Variants in APBA3 observed in about 807,000 individuals in gnomAD.
APBA3 encodes the protein amyloid beta precursor protein binding family A member 3.
In APBA3, 45 loss-of-function variants were observed where a neutral mutation model predicts 55.9. The observed-to-expected ratio is 0.80, with a 90% CI of 0.63 to 1.03. The LOEUF (loss-of-function observed/expected upper bound fraction) is 1.03. Ranked by LOEUF, APBA3 falls within the 50% of genes least tolerant of loss-of-function variation. The pLI, the probability that APBA3 is intolerant of heterozygous loss-of-function variation, is 0.00. For missense variants in APBA3, 865 were observed against 820.3 expected, an observed-to-expected ratio of 1.05 and a Z score of -0.67; for synonymous variants, 370 against 353.3, an observed-to-expected ratio of 1.05 and a Z score of -0.53.
chr19:3,754,401 G>C, intron 3 of APBA3, 61 bp from the exon 4 acceptor site: 1 of 1,512,972 alleles, frequency 6.6e-7, no homozygotes, highest in Non-Finnish European at 8.8e-7. Flanking sequence ...CTCTGCCCCA[G>C]GGCTACGCTC....
At position 3,753,758 on chromosome 19, in the gene APBA3, T is replaced by A; in HGVS notation, c.1011+7A>T. ...CAGGAGGGTGGCCCCGCGCCCTGGC[T>A]GCTCACGTCCTCCGCGTAGAATACG... On this transcript the variant is annotated splice_region_variant and intron_variant, in intron 6 of 10. Transcript: ENST00000316757. 1 of 1,506,582 alleles carries A rather than the reference T, an allele frequency of 6.6e-7. No individual in the cohort carries two copies. 93.3% of individuals were successfully genotyped at this position (1,506,582 alleles called of 1,614,324 possible).
rs752377456 is a variant in APBA3, at chr19:3,752,509, C to T, written c.1394G>A (p.Arg465His). 21 of 1,570,106 alleles carry T rather than the reference C, an allele frequency of 1.3e-5. No individual in the cohort carries two copies. The highest frequency in any genetic ancestry group is 4.2e-4 in the Middle Eastern group (2 of 4,814). The change falls in exon 8 of 11, where the codon CGC becomes CAC. Residue 465 changes from arginine (R) to histidine (H), a missense_variant and splice_region_variant. Physicochemically the swap from Arg to His is conservative, Grantham distance 29. Coordinates refer to ENST00000316757, the MANE Select transcript of APBA3 (RefSeq NM_004886.4). ...LPLAACQAAV[R>H]ETKSQTSVTL... Reference sequence around the variant, plus strand: ...GCCCTGCCACACCAGGAAACTCACGCGGACAGCGGCCTGGCACGCAGCCAG... The same window carrying T: ...GCCCTGCCACACCAGGAAACTCACGTGGACAGCGGCCTGGCACGCAGCCAG...
chr19:3,759,001 C>T (rs750043989), intron 3 of APBA3, among the ~76,000 whole-genome samples: 5 of 152,044 alleles, frequency 3.3e-5, no homozygotes, highest in African/African-American at 4.8e-5. Context: ...GCAGGCAGAT[C>T]GCTTGAGCTC....
At chr19:3,758,671 A>G (rs899426819) in intron 3 of APBA3, among the ~76,000 whole-genome samples, 1 of 151,980 alleles carries the variant, frequency 6.6e-6, no homozygotes, top group Admixed American at 6.6e-5. Context: ...CAAGGTCAGG[A>G]GTTCAACACC....
rs779839092 is a variant in APBA3, at chr19:3,751,189, C to G, written c.1656G>C (p.Glu552Asp). The G allele has an allele frequency of 1.3e-6, 2 of 1,552,352 alleles. No individual in the cohort carries two copies. Among genetic ancestry groups the G allele is most frequent in the Non-Finnish European group, 1.7e-6 (2 of 1,148,546 alleles). ...TGGCCACCACCCACCACCCGCACAC[C>G]TCGCCATAGGCCTCGGTGAGCAGCT... is the stretch of plus-strand genomic sequence containing the variant. ...IIELLTEAYG[E>D]VHIKTMPAAT... is the part of the protein sequence containing the mutation. The change falls in exon 10 of 11, where the codon GAG becomes GAC. Residue 552 changes from glutamate to aspartate, a missense_variant and splice_region_variant. Physicochemically the swap from Glu to Asp is conservative, Grantham distance 45 (BLOSUM62 2). Transcript: ENST00000316757.
intron 8 of APBA3, 140 bp downstream of exon 8, chr19:3,752,368 G>T: frequency 1.3e-6 from 1 of 762,810 alleles, no homozygotes; most frequent in Non-Finnish European, 2.1e-6. Flanking sequence ...TTCCCCAAGG[G>T]CACACCAGTG....
chr19:3,756,292 A>G (rs1389826628), intron 3 of APBA3: 2 of 152,160 alleles, frequency 1.3e-5, no homozygotes, highest in Non-Finnish European at 2.9e-5. Context: ...CAGCCTGGCC[A>G]ACATGGTGAA....
intron 6 of APBA3, 180 bp downstream of exon 6, chr19:3,753,585 G>A (rs1014216016): frequency 3.3e-6 from 2 of 610,968 alleles, no homozygotes; most frequent in South Asian, 2.6e-5. Context: ...GGTTGAGGCT[G>A]CAGTGAACTA....
intron 3 of APBA3, chr19:3,755,561 G>GGGTT (rs1555743074): frequency 3.6e-4 from 46 of 128,330 alleles, no homozygotes; most frequent in African/African-American, 1.3e-3. Context: ...TAGGAGGCCG[G>GGGTT]GGGGGGGGGG....
At chr19:3,751,833 A>G in intron 8 of APBA3, 1 of 454,564 alleles carries the variant, frequency 2.2e-6, no homozygotes, top group Admixed American at 4.1e-5. Context: ...GGCTGCACGG[A>G]CTGTGGCCTC....
At chr19:3,757,277 A>G (rs1396435680) in intron 3 of APBA3, among the ~76,000 whole-genome samples, 1 of 150,690 alleles carries the variant, frequency 6.6e-6, no homozygotes, top group Non-Finnish European at 1.5e-5. Context: ...TTGGGGGGGG[A>G]TTTTATTTTT....
At chr19:3,760,554 C>A (rs2037132779) in intron 1 of APBA3, among the ~76,000 whole-genome samples, 1 of 151,892 alleles carries the variant, frequency 6.6e-6, no homozygotes, top group Non-Finnish European at 1.5e-5. Context: ...TTGAGACCAG[C>A]CTGACTAACA....
At chr19:3,757,879 A>G (rs1414205556) in intron 3 of APBA3, among the ~76,000 whole-genome samples, 1 of 152,232 alleles carries the variant, frequency 6.6e-6, no homozygotes, top group Non-Finnish European at 1.5e-5. Context: ...CATGGACAAC[A>G]CATGAATAAC....
chr19:3,752,430 T>G, intron 8 of APBA3, 78 bp downstream of exon 8: 2 of 1,340,114 alleles, frequency 1.5e-6, no homozygotes, highest in Non-Finnish European at 2.0e-6. Flanking sequence ...TGGAGAGACC[T>G]GGCCAGGGAG....
intron 3 of APBA3, among the ~76,000 whole-genome samples, chr19:3,757,375 G>A (rs770027090): frequency 7.1e-4 from 108 of 152,174 alleles, no homozygotes; most frequent in Non-Finnish European, 6.9e-4. Context: ...TCAAAGTGTT[G>A]GGATTACAGA....
chr19:3,754,221 C>T lies in APBA3; in HGVS notation c.736G>A (p.Ala246Thr), dbSNP rs1599173083. 3 of 1,544,452 alleles carry T rather than the reference C, an allele frequency of 1.9e-6. No individual in the cohort carries two copies. The highest frequency in any genetic ancestry group is 1.2e-5 in the South Asian group (1 of 83,716). ...TTGACGCGGTCCATGGCCTCCCGGG[C>T]CTGGGCCATGCGCGTGCTGGTGGGC... is the stretch of plus-strand genomic sequence containing the variant. Reference protein sequence around the residue: ...NPPTSTRMAQAREAMDRVKAP... With the variant: ...NPPTSTRMAQTREAMDRVKAP... The change falls in exon 4 of 11, where the codon GCC (alanine) becomes ACC (threonine). Residue 246 changes from alanine (A) to threonine (T), a missense_variant. By Grantham distance (58) the Ala-to-Thr change is moderately conservative (BLOSUM62 0). Transcript: ENST00000316757.
At chr19:3,758,188 C>T (rs902113425) in intron 3 of APBA3, among the ~76,000 whole-genome samples, 2 of 152,082 alleles carry the variant, frequency 1.3e-5, no homozygotes, top group African/African-American at 4.8e-5. Context: ...CCCACCTTGG[C>T]CTCCCAAAGT....
In APBA3 at chr19:3,751,032, G is replaced by A; in HGVS notation, c.1722C>T (p.Tyr574=). The A allele has an allele frequency of 6.4e-7, 1 of 1,559,516 alleles. No individual in the cohort carries two copies. Among genetic ancestry groups the A allele is most frequent in the South Asian group, 1.2e-5 (1 of 84,606 alleles). Residue 574 remains tyrosine, a synonymous_variant, in exon 11 of 11, where the codon TAC becomes TAT. Transcript: ENST00000316757. The part of the protein sequence containing the change: ...RLLTGQEQPV[Y]L The stretch of plus-strand genomic sequence containing the variant: ...CAGGCAAGGGATGAGGTGGTCACAG[G>A]TACACGGGCTGCTCCTGGCCTGTAA...
rs575676926 is a variant in APBA3 at position 3,752,516 on chromosome 19, C to A, written c.1387G>T (p.Ala463Ser). 1 of 1,574,740 alleles carries A rather than the reference C, an allele frequency of 6.4e-7. No homozygotes were observed. The highest frequency in any genetic ancestry group is 8.6e-7 in the Non-Finnish European group (1 of 1,165,702). The change falls in exon 8 of 11, where the codon GCT becomes TCT. Residue 463 changes from alanine (A) to serine (S), a missense_variant. Physicochemically the swap from Ala to Ser is moderately conservative, Grantham distance 99 (BLOSUM62 1). Coordinates refer to ENST00000316757, the MANE Select transcript of APBA3 (RefSeq NM_004886.4). Reference protein sequence around the residue: ...VGLPLAACQAAVRETKSQTSV... With the variant: ...VGLPLAACQASVRETKSQTSV... The stretch of plus-strand genomic sequence containing the variant: ...CACACCAGGAAACTCACGCGGACAG[C>A]GGCCTGGCACGCAGCCAGGGGCAGC...
Sources: allele counts gnomAD v4.1 joint callset (sites outside exome capture counted in the v4.1 genomes callset), GRCh38; gene constraint gnomAD v4.1.1; transcripts MANE v1.5; gene names NCBI Gene and HGNC (gene_info 2026-07-23, HGNC 2026-07-21).